Variants in TMEM182 observed in about 807,000 individuals in gnomAD.
TMEM182 encodes the protein transmembrane protein 182.
A neutral mutation model predicts 26.8 loss-of-function variants in TMEM182; 20 were observed. The ratio of observed to expected loss-of-function variants is 0.75; its 90% CI spans 0.53 to 1.09. The LOEUF (loss-of-function observed/expected upper bound fraction) is 1.09. Among genes scored for constraint, TMEM182 ranks in the 50% least tolerant of loss-of-function variants. The pLI, the probability that TMEM182 is intolerant of heterozygous loss-of-function variation, is 0.00. For missense variants in TMEM182, 277 were observed against 275.5 expected (o/e 1.01, Z -0.04); for synonymous variants, 109 against 102.2 (o/e 1.07, Z -0.40).
chr2:102,742,612 T>C (rs1679576860), intron 1 of TMEM182, among the ~76,000 whole-genome samples: 1 of 152,138 alleles, frequency 6.6e-6, no homozygotes, highest in Non-Finnish European at 1.5e-5. Context: ...AAAAATCTCC[T>C]CTGAGGTATA....
intron 3 of TMEM182, among the ~76,000 whole-genome samples, chr2:102,840,289 A>T (rs978302544): frequency 6.6e-6 from 1 of 152,130 alleles, no homozygotes; most frequent in Non-Finnish European, 1.5e-5. Flanking sequence ...CTCTGGGAAA[A>T]GGTGTGTGCC....
At position 102,797,847 on chromosome 2, in the gene TMEM182, C is replaced by T. The variant is rs781382190; in HGVS notation, c.332-16C>T. 1 of 1,603,966 alleles carries T rather than the reference C, an allele frequency of 6.2e-7. No homozygotes were observed. Among genetic ancestry groups the T allele is most frequent in the Admixed American group, 1.7e-5 (1 of 57,280 alleles). On this transcript the variant is annotated splice_polypyrimidine_tract_variant and intron_variant, in intron 3 of 4. Transcript: ENST00000412401. ...GTATTTTTCTTTCTTTTCTCTTTTC[C>T]TCCTGGGGTCTCCAGTTTACCGTGG...
rs563736883 is a variant in TMEM182, at chr2:102,813,428, A to G, written c.470-1320A>G. ...TTTCAGACATTCTAGCAATTAGACTATGGAGATTTTATACCTAACAGTTCA... is the reference window on the plus strand; with the variant it reads ...TTTCAGACATTCTAGCAATTAGACTGTGGAGATTTTATACCTAACAGTTCA... On this transcript the variant is annotated intron_variant, in intron 4 of 4. Coordinates refer to ENST00000412401, the MANE Select transcript of TMEM182 (RefSeq NM_144632.5). Among the ~76,000 whole-genome samples the G allele has an allele frequency of 5.3e-5, 8 of 152,342 alleles. No individual in the cohort carries two copies. The South Asian group carries it at 1.5e-3, about 28-fold the overall frequency.
At chr2:102,833,783 G>T (rs549477749) in intron 3 of TMEM182, among the ~76,000 whole-genome samples, 3 of 152,270 alleles carry the variant, frequency 2.0e-5, no homozygotes, top group African/African-American at 2.4e-5. Flanking sequence ...CAAGGACTTT[G>T]TCCAGCATGT....
rs75496950 is a variant in TMEM182 at position 102,783,367 on chromosome 2, A to T, written c.332-14496A>T. Among the ~76,000 whole-genome samples the T allele has an allele frequency of 2.4e-3, 362 of 152,276 alleles. 1 individual carries two copies. The highest frequency in any genetic ancestry group is 8.2e-3 in the African/African-American group (342 of 41,550). ...AAATATTGACAATCTACATGCTGGG[A>T]CTCTAAGCAGAAGAGTCAGAAGTGA... On this transcript the variant is annotated intron_variant, in intron 3 of 4. Coordinates refer to ENST00000412401, the MANE Select transcript of TMEM182 (RefSeq NM_144632.5).
chr2:102,744,759 A>G (rs1679641998), intron 1 of TMEM182, among the ~76,000 whole-genome samples: 1 of 152,128 alleles, frequency 6.6e-6, no homozygotes, highest in South Asian at 2.1e-4. Flanking sequence ...CTGATGAGAA[A>G]TCTGCTGTAA....
upstream of TMEM182, chr2:102,758,369 T>A: frequency 1.4e-6 from 1 of 696,590 alleles, no homozygotes; most frequent in East Asian, 2.7e-5. Flanking sequence ...CAACACTGAA[T>A]GGCTGTTAAA....
chr2:102,783,197 C>T (rs941605289), intron 3 of TMEM182, among the ~76,000 whole-genome samples: 5 of 152,146 alleles, frequency 3.3e-5, no homozygotes, highest in Admixed American at 1.3e-4. Context: ...AATGAAACCC[C>T]CTCCTAAACC....
rs148269818 is a variant in TMEM182 at position 102,804,054 on chromosome 2, C to T, written c.469+6054C>T. The stretch of plus-strand genomic sequence containing the variant: ...TAAATAGCTGCACACTGTGGACAAG[C>T]GCAGGGAACTCCCTGGGAGGGGCTG... On this transcript the variant is annotated intron_variant, in intron 4 of 4. Coordinates refer to ENST00000412401, the MANE Select transcript of TMEM182 (RefSeq NM_144632.5). 6.4e-3 allele frequency among the ~76,000 whole-genome samples: 968 copies of T among 152,334 alleles called. 6 individuals are homozygous for T. The highest frequency in any genetic ancestry group is 9.2e-3 in the Non-Finnish European group (625 of 68,036).
Position 102,816,381 on chromosome 2 carries a change from G to A in TMEM182, c.*1413G>A, listed in dbSNP as rs920547027. On this transcript the variant is annotated 3_prime_UTR_variant, in exon 5 of 5. Coordinates refer to ENST00000412401, the MANE Select transcript of TMEM182 (RefSeq NM_144632.5). ...CCTTTTCATCAGCTCTTCCAATGCC[G>A]TGGGAGAGGTGATCCCAGTCTTCTC... 2.0e-5 allele frequency: 20 copies of A among 985,108 alleles called. No individual in the cohort carries two copies. The highest frequency in any genetic ancestry group is 4.7e-5 in the South Asian group (1 of 21,270). 61.0% of individuals were successfully genotyped at this position (985,108 alleles called of 1,614,324 possible).
chr2:102,786,861 A>T (rs1395374643), intron 3 of TMEM182, among the ~76,000 whole-genome samples: 1 of 152,186 alleles, frequency 6.6e-6, no homozygotes, highest in African/African-American at 2.4e-5. Context: ...GACACTCACA[A>T]TCAGGAAGTG....
chr2:102,762,610 T>C lies in TMEM182; in HGVS notation c.156T>C (p.His52=). 6.2e-7 allele frequency: 1 copy of C among 1,614,014 alleles called. No homozygotes were observed. The highest frequency in any genetic ancestry group is 1.1e-5 in the South Asian group (1 of 91,076). ...EKNIENVTFH[H]EGFFWRCWFN... ...AGATAGAGAACGTCACTTTTCACCA[T>C]GAAGGGTTCTTCTGGAGGTGTTGGT... Residue 52 remains histidine, a synonymous_variant, in exon 2 of 5, where the codon CAT becomes CAC. Coordinates refer to ENST00000412401, the MANE Select transcript of TMEM182 (RefSeq NM_144632.5).
rs1203374973 is a variant in TMEM182 at position 102,798,007 on chromosome 2, A to G, written c.469+7A>G. ...GGCTCATATATTGCTGCAGGTACGT[A>G]CGGTGCAATGGGTATGACTTTCAGC... On this transcript the variant is annotated splice_region_variant and intron_variant, in intron 4 of 4. Transcript: ENST00000412401. 6.2e-7 allele frequency: 1 copy of G among 1,609,834 alleles called. No individual in the cohort carries two copies. Among genetic ancestry groups the G allele is most frequent in the East Asian group, 2.2e-5 (1 of 44,844 alleles).
chr2:102,843,779 A>C (rs1237312719), exon 4 of TMEM182: 1 of 152,250 alleles, frequency 6.6e-6, no homozygotes, highest in Non-Finnish European at 1.5e-5. Flanking sequence ...ATATTGATTG[A>C]ATGAATGGAT....
intron 3 of TMEM182, among the ~76,000 whole-genome samples, chr2:102,782,756 T>A (rs968183974): frequency 5.9e-5 from 9 of 152,368 alleles, no homozygotes; most frequent in African/African-American, 2.2e-4. Flanking sequence ...CAAGATCTAT[T>A]TGTTAATTAG....
chr2:102,839,470 TAA>T (rs1491262055), intron 3 of TMEM182, among the ~76,000 whole-genome samples: 13 of 140,360 alleles, frequency 9.3e-5, no homozygotes, highest in African/African-American at 3.0e-4. Flanking sequence ...TATATATATA[TAA>T]TATATACACA....
intron 3 of TMEM182, chr2:102,834,322 A>AAAT: frequency 1.1e-6 from 1 of 915,368 alleles, no homozygotes; most frequent in Non-Finnish European, 1.3e-6. Flanking sequence ...TTACCATCTT[A>AAAT]GGACTCGTCT....
chr2:102,773,476 C>T (rs953731824), intron 3 of TMEM182, among the ~76,000 whole-genome samples: 2 of 151,410 alleles, frequency 1.3e-5, no homozygotes, highest in Non-Finnish European at 2.9e-5. Context: ...GTGTTCAAGA[C>T]AGAGGGAACA....
Position 102,799,870 on chromosome 2 carries a change from C to G in TMEM182, c.469+1870C>G, listed in dbSNP as rs149243557. Among the ~76,000 whole-genome samples, 1,249 of 152,130 alleles carry G rather than the reference C, an allele frequency of 8.2e-3. 10 individuals carry two copies. Among genetic ancestry groups the G allele is most frequent in the Admixed American group, 0.013 (196 of 15,290 alleles). On this transcript the variant is annotated intron_variant, in intron 4 of 4. Transcript: ENST00000412401. ...TGATTCACCTTTGTGGAGAGGGGAC[C>G]TTTGTGGTTTCTAAGGCCAGCCTCG...
Sources: allele counts gnomAD v4.1 joint callset (sites outside exome capture counted in the v4.1 genomes callset), GRCh38; gene constraint gnomAD v4.1.1; transcripts MANE v1.5; gene names NCBI Gene and HGNC (gene_info 2026-07-23, HGNC 2026-07-21).